The following SH3TC1 variants were observed in gnomAD, a reference collection of about 807,000 sequenced individuals.
SH3TC1 encodes the protein SH3 domain and tetratricopeptide repeat-containing protein 1.
In SH3TC1, 135 loss-of-function variants were observed where a neutral mutation model predicts 117.3. That is an observed-to-expected ratio of 1.15 (90% CI 1.00 to 1.33). The LOEUF (loss-of-function observed/expected upper bound fraction) is 1.33. Among genes scored for constraint, SH3TC1 ranks in the 40% most tolerant of loss-of-function variants. The pLI is 0.00. For synonymous variants in SH3TC1, 898 were observed against 816.9 expected, an observed-to-expected ratio of 1.10 and a Z score of -1.69; for missense variants, 2,092 against 1,794.3, an observed-to-expected ratio of 1.17 and a Z score of -3.00.
In SH3TC1 at chr4:8,237,678, G is replaced by T; in HGVS notation, c.3753+8G>T. ...ATCTTCTACGACCTGAAGGTGGGTG[G>T]GGAGGGGCTGGGCTCAGGGTGTTCC... On this transcript the variant is annotated splice_region_variant and intron_variant, in intron 17 of 17. Transcript: ENST00000245105. The T allele has an allele frequency of 3.8e-6, 6 of 1,589,268 alleles. No individual in the cohort carries two copies. Among genetic ancestry groups the T allele is most frequent in the Non-Finnish European group, 5.1e-6 (6 of 1,165,238 alleles).
chr4:8,189,324 T>G (rs1469925769), intron 1 of SH3TC1, among the ~76,000 whole-genome samples: 1 of 152,050 alleles, frequency 6.6e-6, no homozygotes, highest in Non-Finnish European at 1.5e-5. Context: ...CAAGTGGTGG[T>G]GACAGATGAT....
rs910341637 is a variant in SH3TC1, at chr4:8,210,776, G to GCCGTCAC, written c.247+955_247+961dup. 1.6e-5 allele frequency among the ~76,000 whole-genome samples: 2 copies of GCCGTCAC among 126,168 alleles called. No individual in the cohort carries two copies. Among genetic ancestry groups the GCCGTCAC allele is most frequent in the African/African-American group, 5.7e-5 (2 of 34,836 alleles). 82.8% of individuals were successfully genotyped at this position (126,168 alleles called of 152,430 possible). On this transcript the variant is annotated intron_variant, in intron 3 of 17. Transcript: ENST00000245105. This position sits in a 1 kb window ranked among gnomAD's most constrained non-coding sequence, Gnocchi z 4.1. Reference sequence around the variant, plus strand: ...AAAAAAAAAAAAAAAAAAAAAAAAGGCCGTCACAGCTCAGGAACCATTGTG... The same window carrying GCCGTCAC: ...AAAAAAAAAAAAAAAAAAAAAAAAGGCCGTCACCCGTCACAGCTCAGGAACCATTGTG...
At chr4:8,235,721 G>A (rs372805129) in intron 15 of SH3TC1, 166 bp downstream of exon 15, 26 of 978,844 alleles carry the variant, frequency 2.7e-5, no homozygotes, top group East Asian at 1.1e-4. Flanking sequence ...TGTGCCCCCC[G>A]CCCGGGACAA....
chr4:8,211,722 A>G (rs1718749833), intron 3 of SH3TC1, among the ~76,000 whole-genome samples: 1 of 151,820 alleles, frequency 6.6e-6, no homozygotes, highest in Non-Finnish European at 1.5e-5. Context: ...TCACAGCCCC[A>G]GGAGCCTGGA....
upstream of SH3TC1, among the ~76,000 whole-genome samples, chr4:8,199,062 C>A (rs543960787): frequency 2.0e-5 from 3 of 152,210 alleles, no homozygotes; most frequent in Non-Finnish European, 4.4e-5. Context: ...GACTGGGTGC[C>A]CCTAGCCTCT....
rs968586905 is a variant in SH3TC1 at position 8,192,287 on chromosome 4, C to G, written c.-57+10077C>G. ...CTGGGATTACAGGCGTGAGCCACTGCGCCCGGCCCTCAGTCACCTTTAAAA... is the reference window on the plus strand; with the variant it reads ...CTGGGATTACAGGCGTGAGCCACTGGGCCCGGCCCTCAGTCACCTTTAAAA... On this transcript the variant is annotated intron_variant, in intron 1 of 16. Coordinates refer to the SH3TC1 transcript ENST00000508641. The surrounding 1 kb of genome is among the most constrained non-coding windows in gnomAD (Gnocchi z 4.1). 1.3e-5 allele frequency among the ~76,000 whole-genome samples: 2 copies of G among 151,186 alleles called. No individual in the cohort carries two copies. Among genetic ancestry groups the G allele is most frequent in the Non-Finnish European group, 3.0e-5 (2 of 67,758 alleles).
At chr4:8,238,708 G>A (rs1175296543) in intron 17 of SH3TC1, among the ~76,000 whole-genome samples, 1 of 152,182 alleles carries the variant, frequency 6.6e-6, no homozygotes, top group Non-Finnish European at 1.5e-5. Flanking sequence ...GGCCCAGAGG[G>A]ACGCTGCTCA....
rs746751240 is a variant in SH3TC1, at chr4:8,228,404, G to A, written c.2710G>A (p.Val904Met). 1.2e-6 allele frequency: 2 copies of A among 1,609,160 alleles called. No individual in the cohort carries two copies. The highest frequency in any genetic ancestry group is 1.7e-6 in the Non-Finnish European group (2 of 1,178,022). The change falls in exon 12 of 18, where the codon GTG becomes ATG. Residue 904 changes from valine (V) to methionine (M), a missense_variant. By Grantham distance (21) the Val-to-Met change is conservative. Coordinates refer to ENST00000245105, the MANE Select transcript of SH3TC1 (RefSeq NM_018986.5). Reference sequence around the variant, plus strand: ...CCTGGGCCAGCAAAGGAACCAGGCAGTGGGGCTGGCCAACTTCGGGGCCCT... The same window carrying A: ...CCTGGGCCAGCAAAGGAACCAGGCAATGGGGCTGGCCAACTTCGGGGCCCT... ...RDLGQQRNQA[V>M]GLANFGALCL...
intron 12 of SH3TC1, 150 bp downstream of exon 12, chr4:8,228,794 A>C (rs1194547042): frequency 2.9e-6 from 2 of 691,600 alleles, no homozygotes; most frequent in Non-Finnish European, 4.6e-6. Context: ...CGCCCTGGAG[A>C]CAGGCAGTTC....
chr4:8,222,745 A>G (rs1164528506), intron 9 of SH3TC1, 95 bp from the exon 10 acceptor site: 3 of 1,479,252 alleles, frequency 2.0e-6, no homozygotes, highest in African/African-American at 1.4e-5. Flanking sequence ...CTCCGAGACT[A>G]TCTGTCTGTC....
In SH3TC1 at chr4:8,235,614, G is replaced by A. The variant is rs888688253; in HGVS notation, c.3405+59G>A. On this transcript the variant is annotated intron_variant, in intron 15 of 17. Transcript: ENST00000245105. Reference sequence around the variant, plus strand: ...CCAGGGGGGGCACCTTGAGGGCTGAGGCACAGGTGTGGCAGGGCAGAGCCC... The same window carrying A: ...CCAGGGGGGGCACCTTGAGGGCTGAAGCACAGGTGTGGCAGGGCAGAGCCC... 4 of 1,499,446 alleles carry A rather than the reference G, an allele frequency of 2.7e-6. No homozygotes were observed. In the African/African-American group the frequency reaches 5.6e-5, roughly 21 times the overall value. The allele number at this position is 1,499,446 out of a possible 1,614,324, so 92.9% of individuals were successfully genotyped here.
chr4:8,219,149 A>T (rs1719642034), intron 8 of SH3TC1, among the ~76,000 whole-genome samples, 186 bp from the exon 9 acceptor site: 1 of 152,162 alleles, frequency 6.6e-6, no homozygotes, highest in South Asian at 2.1e-4. Flanking sequence ...AGAGGGATAA[A>T]AACATCCCCT....
intron 11 of SH3TC1, among the ~76,000 whole-genome samples, chr4:8,226,072 G>A (rs1183789453): frequency 6.6e-6 from 1 of 152,142 alleles, no homozygotes; most frequent in African/African-American, 2.4e-5. Flanking sequence ...TAATTCCAAG[G>A]CTTTACAGAT....
At chr4:8,239,645 C>T (rs1007105329) in intron 17 of SH3TC1, among the ~76,000 whole-genome samples, 1 of 152,246 alleles carries the variant, frequency 6.6e-6, no homozygotes, top group African/African-American at 2.4e-5. Context: ...CACACAGAGA[C>T]ACATATGCTT....
Position 8,210,631 on chromosome 4 carries a change from C to T in SH3TC1, c.247+809C>T, listed in dbSNP as rs949937886. Among the ~76,000 whole-genome samples the T allele has an allele frequency of 4.0e-5, 6 of 151,178 alleles. No individual in the cohort carries two copies. The highest frequency in any genetic ancestry group is 2.0e-4 in the East Asian group (1 of 5,100). On this transcript the variant is annotated intron_variant, in intron 3 of 17. Coordinates refer to ENST00000245105, the MANE Select transcript of SH3TC1 (RefSeq NM_018986.5). This position sits in a 1 kb window ranked among gnomAD's most constrained non-coding sequence, Gnocchi z 4.1. The stretch of plus-strand genomic sequence containing the variant: ...TACTAAAAATACAAAAATTAGCTGG[C>T]GCATGCCTGTAATCCCAGCTATTTG...
intron 14 of SH3TC1, 29 bp from the exon 15 acceptor site, chr4:8,235,404 G>A (rs1165687557): frequency 6.8e-7 from 1 of 1,466,106 alleles, no homozygotes; most frequent in Admixed American, 2.3e-5. Context: ...CCAGGTGTGG[G>A]TCTTGAGGGA....
intron 8 of SH3TC1, 64 bp downstream of exon 8, chr4:8,218,411 T>C: frequency 4.0e-6 from 5 of 1,243,870 alleles, no homozygotes; most frequent in African/African-American, 1.5e-5. Flanking sequence ...AGCACCAACA[T>C]TTTGGAAGTT....
At chr4:8,239,566 G>A (rs539326244) in intron 17 of SH3TC1, among the ~76,000 whole-genome samples, 8 of 150,284 alleles carry the variant, frequency 5.3e-5, no homozygotes, top group African/African-American at 2.0e-4. Flanking sequence ...ACATGCACAC[G>A]CAAATGCACA....
chr4:8,222,935 T>C lies in SH3TC1; in HGVS notation c.1208T>C (p.Met403Thr). The C allele has an allele frequency of 1.2e-6, 2 of 1,612,930 alleles. No individual in the cohort carries two copies. Among genetic ancestry groups the C allele is most frequent in the Non-Finnish European group, 1.7e-6 (2 of 1,179,838 alleles). Reference protein sequence around the residue: ...EEDARQLLRRMSGTDVCSVYS... With the variant: ...EEDARQLLRRTSGTDVCSVYS... Reference sequence around the variant, plus strand: ...GATGCCAGGCAGTTGCTGAGGCGGATGTCGGGCACCGATGTCTGCAGCGTG... The same window carrying C: ...GATGCCAGGCAGTTGCTGAGGCGGACGTCGGGCACCGATGTCTGCAGCGTG... The change falls in exon 10 of 18, where the codon ATG becomes ACG. Residue 403 changes from methionine to threonine, a missense_variant. Coordinates refer to ENST00000245105, the MANE Select transcript of SH3TC1 (RefSeq NM_018986.5).
Sources: gnomAD v4.1 joint callset for allele counts (sites outside exome capture counted in the v4.1 genomes callset) on GRCh38, gnomAD v4.1.1 for gene constraint, Gnocchi (gnomAD v3.1) non-coding constraint, MANE v1.5 for transcripts, NCBI Gene and HGNC (gene_info 2026-07-23, HGNC 2026-07-21) for gene names.